EPHA7: variants seen among roughly 807,000 people sequenced by gnomAD.
EPHA7 encodes EPH receptor A7.
A neutral mutation model predicts 112.6 loss-of-function variants in EPHA7; 25 were observed. That is an observed-to-expected ratio of 0.22 (90% CI 0.16 to 0.31). The LOEUF is 0.31. Among genes scored for constraint, EPHA7 ranks in the 10% least tolerant of loss-of-function variants. The pLI is 1.00. For synonymous variants in EPHA7, 437 were observed against 406.5 expected (o/e 1.07, Z -0.90); for missense variants, 962 against 1,212.6 (o/e 0.79, Z 3.07).
At chr6:93,270,309 A>G (rs937701784) in intron 6 of EPHA7, among the ~76,000 whole-genome samples, 2 of 151,540 alleles carry the variant, frequency 1.3e-5, no homozygotes, top group African/African-American at 4.8e-5. Flanking sequence ...TATTTCAGAT[A>G]TAAAAGCTAA....
chr6:93,330,797 T>C (rs190814831), intron 5 of EPHA7, among the ~76,000 whole-genome samples: 2 of 151,532 alleles, frequency 1.3e-5, no homozygotes, highest in East Asian at 3.9e-4. Context: ...TGAAAGTTAT[T>C]TATCCAAGCC....
At chr6:93,358,951 C>T (rs1776101497) in intron 3 of EPHA7, among the ~76,000 whole-genome samples, 1 of 152,090 alleles carries the variant, frequency 6.6e-6, no homozygotes, top group Admixed American at 6.6e-5. Flanking sequence ...CCCAAATTTT[C>T]AGGAAACTCC....
At position 93,257,532 on chromosome 6, in the gene EPHA7, A is replaced by T. The variant is rs1458586088; in HGVS notation, c.2111-9T>A. ...TATCATGACTGGTTTCCCTAAAATTAAAAAAAAAAAGTTTCAGGAGTCGTA... is the reference window on the plus strand; with the variant it reads ...TATCATGACTGGTTTCCCTAAAATTTAAAAAAAAAAGTTTCAGGAGTCGTA... On this transcript the variant is annotated splice_polypyrimidine_tract_variant and intron_variant, in intron 11 of 16. Coordinates refer to ENST00000369303, the MANE Select transcript of EPHA7 (RefSeq NM_004440.4). 1 of 791,072 alleles carries T rather than the reference A, an allele frequency of 1.3e-6. No homozygotes were observed. Among genetic ancestry groups the T allele is most frequent in the East Asian group, 4.7e-5 (1 of 21,054 alleles). The allele number at this position is 791,072 out of a possible 1,614,324, so 49.0% of individuals were successfully genotyped here. A position where few individuals can be genotyped will look rare whatever the true frequency, so the allele number is the denominator to read the frequency against.
chr6:93,271,104 A>G (rs1277536668), intron 6 of EPHA7, among the ~76,000 whole-genome samples: 2 of 151,828 alleles, frequency 1.3e-5, no homozygotes, highest in East Asian at 3.9e-4. Flanking sequence ...CAGATATACC[A>G]AAACCAGCAT....
At chr6:93,356,450 G>A (rs111598799) in intron 5 of EPHA7, among the ~76,000 whole-genome samples, 4 of 152,094 alleles carry the variant, frequency 2.6e-5, no homozygotes, top group South Asian at 2.1e-4. Context: ...TGATCTGCCC[G>A]CCTCGGCCTC....
At position 93,358,463 on chromosome 6, in the gene EPHA7, TA is replaced by T. The variant is rs3215037; in HGVS notation, c.833-53del. 349 of 1,410,250 alleles carry T rather than the reference TA, an allele frequency of 2.5e-4. No homozygotes were observed. The East Asian group carries it at 3.4e-3, about 14-fold the overall frequency. The allele number at this position is 1,410,250 out of a possible 1,614,324, so 87.4% of individuals were successfully genotyped here. A position where few individuals can be genotyped will look rare whatever the true frequency, so the allele number is the denominator to read the frequency against. On this transcript the variant is annotated intron_variant, in intron 3 of 16. Coordinates refer to ENST00000369303, the MANE Select transcript of EPHA7 (RefSeq NM_004440.4). Reference sequence around the variant, plus strand: ...TGAGACATGAGAGCAAATCGATCTTTAAAAAAAAATTGTATTATTTAGCAAG... The same window carrying T: ...TGAGACATGAGAGCAAATCGATCTTTAAAAAAAATTGTATTATTTAGCAAG...
At chr6:93,344,275 C>A (rs377216265) in intron 5 of EPHA7, among the ~76,000 whole-genome samples, 1 of 151,294 alleles carries the variant, frequency 6.6e-6, no homozygotes, top group South Asian at 2.1e-4. Flanking sequence ...TAACATCTTT[C>A]TTTTTATGAC....
intron 3 of EPHA7, among the ~76,000 whole-genome samples, chr6:93,363,078 A>T (rs1161623079): frequency 6.6e-6 from 1 of 152,118 alleles, no homozygotes; most frequent in Non-Finnish European, 1.5e-5. Flanking sequence ...GATAATCCAT[A>T]TCTTGCTTGG....
chr6:93,354,000 T>A (rs1775820421), intron 5 of EPHA7, among the ~76,000 whole-genome samples: 1 of 152,126 alleles, frequency 6.6e-6, no homozygotes, highest in African/African-American at 2.4e-5. Flanking sequence ...TCTCTAAGCT[T>A]TCCCAGAAAC....
chr6:93,383,284 G>A (rs987858757), intron 3 of EPHA7, among the ~76,000 whole-genome samples: 2 of 150,830 alleles, frequency 1.3e-5, no homozygotes, highest in African/African-American at 4.9e-5. Context: ...GTGTGTGTGT[G>A]TGTGTGTGTG....
At chr6:93,376,207 A>C (rs1777052674) in intron 3 of EPHA7, among the ~76,000 whole-genome samples, 1 of 152,052 alleles carries the variant, frequency 6.6e-6, no homozygotes, top group Non-Finnish European at 1.5e-5. Flanking sequence ...CAGTGGTATG[A>C]TCACTATTCA....
intron 5 of EPHA7, among the ~76,000 whole-genome samples, chr6:93,322,157 A>G (rs180786): frequency 6.6e-6 from 1 of 151,820 alleles, no homozygotes; most frequent in African/African-American, 2.4e-5. Flanking sequence ...GCAAACATGT[A>G]TGTATACACA....
intron 5 of EPHA7, among the ~76,000 whole-genome samples, chr6:93,291,754 C>A (rs1772386668): frequency 8.4e-6 from 1 of 118,498 alleles, no homozygotes; most frequent in Non-Finnish European, 1.7e-5. Context: ...GGCGACAGAG[C>A]GAGACTCCGT....
At chr6:93,327,001 AT>A (rs1276169825) in intron 5 of EPHA7, among the ~76,000 whole-genome samples, 1 of 151,518 alleles carries the variant, frequency 6.6e-6, no homozygotes, top group Non-Finnish European at 1.5e-5. Flanking sequence ...TTTAAAATAC[AT>A]TTGTATGACG....
In EPHA7 at chr6:93,241,915, C is replaced by A. The variant is rs987621862; in HGVS notation, c.*1511G>T. 13 of 217,410 alleles carry A rather than the reference C, an allele frequency of 6.0e-5. No individual in the cohort carries two copies. The highest frequency in any genetic ancestry group is 1.0e-4 in the Non-Finnish European group (11 of 107,918). The allele number at this position is 217,410 out of a possible 1,614,324, so 13.5% of individuals were successfully genotyped here. On this transcript the variant is annotated 3_prime_UTR_variant, in exon 17 of 17. Transcript: ENST00000369303. Reference sequence around the variant, plus strand: ...TTGTTTGTTTGTTTGTGGATGCCCACATTATCAAACAAGACCAATTATGAC... The same window carrying A: ...TTGTTTGTTTGTTTGTGGATGCCCAAATTATCAAACAAGACCAATTATGAC...
At chr6:93,245,081 C>T (rs1451051414) in intron 16 of EPHA7, among the ~76,000 whole-genome samples, 1 of 152,162 alleles carries the variant, frequency 6.6e-6, no homozygotes, top group Non-Finnish European at 1.5e-5. Flanking sequence ...AAACTATAGA[C>T]TTCATACAAT....
chr6:93,416,064 A>C lies in EPHA7; in HGVS notation c.98-1297T>G, dbSNP rs538667497. Among the ~76,000 whole-genome samples, 8 of 149,856 alleles carry C rather than the reference A, an allele frequency of 5.3e-5. No individual in the cohort carries two copies. The Admixed American group carries it at 5.4e-4, about 10-fold the overall frequency. ...GTTGTTTCTTTGTTTAGTGTTTTAC[A>C]CTTAAGACTCTCAGGGAGACTGACA... On this transcript the variant is annotated intron_variant, in intron 1 of 16. Transcript: ENST00000369303.
chr6:93,356,544 T>C (rs1480744828), intron 5 of EPHA7, among the ~76,000 whole-genome samples, 173 bp downstream of exon 5: 2 of 152,150 alleles, frequency 1.3e-5, no homozygotes, highest in Non-Finnish European at 2.9e-5. Flanking sequence ...TCTCTGAAGA[T>C]GTTAATGAGT....
intron 5 of EPHA7, among the ~76,000 whole-genome samples, chr6:93,307,367 T>G (rs1226638086): frequency 6.6e-6 from 1 of 152,100 alleles, no homozygotes; most frequent in Non-Finnish European, 1.5e-5. Context: ...AAAGTTGTTC[T>G]GACACTGATA....
Sources: gnomAD v4.1 joint callset for allele counts (sites outside exome capture counted in the v4.1 genomes callset) on GRCh38, gnomAD v4.1.1 for gene constraint, MANE v1.5 for transcripts, NCBI Gene and HGNC (gene_info 2026-07-23, HGNC 2026-07-21) for gene names.